The following MGAT4C variants were observed in gnomAD, a reference collection of about 807,000 sequenced individuals.
MGAT4C encodes MGAT4 family member C.
A neutral mutation model predicts 40.1 loss-of-function variants in MGAT4C; 19 were observed. That is an observed-to-expected ratio of 0.47 (90% CI 0.33 to 0.70). MGAT4C has a LOEUF of 0.70. Ranked by LOEUF, MGAT4C falls within the 30% of genes least tolerant of loss-of-function variation. The pLI is 0.02. For missense variants in MGAT4C, 491 were observed against 563.2 expected (o/e 0.87, Z 1.30); for synonymous variants, 181 against 187.1 (o/e 0.97, Z 0.27).
chr12:86,797,347 GT>G (rs942995283), intron 1 of MGAT4C, among the ~76,000 whole-genome samples: 24 of 146,138 alleles, frequency 1.6e-4, no homozygotes, highest in Admixed American at 2.8e-4. Context: ...TTTCTTTCAA[GT>G]TTTTTTTTTT....
chr12:86,750,703 C>T (rs967119070), intron 1 of MGAT4C, among the ~76,000 whole-genome samples: 10 of 151,992 alleles, frequency 6.6e-5, no homozygotes, highest in African/African-American at 2.2e-4. Flanking sequence ...GGTAACTTGA[C>T]CTCAATTCTC....
intron 3 of MGAT4C, among the ~76,000 whole-genome samples, chr12:86,413,683 G>A (rs921826645): frequency 1.3e-5 from 2 of 151,864 alleles, no homozygotes; most frequent in African/African-American, 2.4e-5. Context: ...TAATTTTTCG[G>A]GGGGAATAAA....
intron 2 of MGAT4C, among the ~76,000 whole-genome samples, chr12:86,566,684 G>C (rs1294606846): frequency 7.0e-6 from 1 of 142,500 alleles, no homozygotes; most frequent in Admixed American, 7.2e-5. Flanking sequence ...ATACATATAT[G>C]TATATATTAT....
intron 2 of MGAT4C, among the ~76,000 whole-genome samples, chr12:86,511,090 A>G (rs1030454741): frequency 2.0e-4 from 31 of 152,254 alleles, no homozygotes; most frequent in African/African-American, 6.3e-4. Flanking sequence ...CATAGTTGGA[A>G]GTAAAGCTCT....
chr12:86,302,271 T>A (rs1279496169), intron 4 of MGAT4C, among the ~76,000 whole-genome samples: 1 of 150,816 alleles, frequency 6.6e-6, no homozygotes, highest in Non-Finnish European at 1.5e-5. Context: ...ACAGTTGAAA[T>A]TTTTAAAAAA....
chr12:86,006,117 T>G (rs1173817457), intron 2 of MGAT4C, among the ~76,000 whole-genome samples: 1 of 152,120 alleles, frequency 6.6e-6, no homozygotes, highest in African/African-American at 2.4e-5. Context: ...CTGTAACAGA[T>G]TATGTATGGA....
chr12:86,104,061 G>A (rs888253624), intron 1 of MGAT4C, among the ~76,000 whole-genome samples: 1 of 151,952 alleles, frequency 6.6e-6, no homozygotes, highest in African/African-American at 2.4e-5. Flanking sequence ...TCCTCTGTCT[G>A]GGCACTTTAT....
chr12:86,192,630 CA>C (rs2135906941), intron 1 of MGAT4C, among the ~76,000 whole-genome samples: 1 of 152,236 alleles, frequency 6.6e-6, no homozygotes, highest in South Asian at 2.1e-4. Context: ...AAAAGAACCA[CA>C]TGATTTTTTC....
chr12:86,282,187 C>A (rs1322661136), intron 4 of MGAT4C, among the ~76,000 whole-genome samples: 2 of 152,102 alleles, frequency 1.3e-5, no homozygotes, highest in East Asian at 3.9e-4. Flanking sequence ...CTCTTTCCAC[C>A]TGGAATCCCA....
chr12:86,680,689 G>A (rs556592622), intron 2 of MGAT4C, among the ~76,000 whole-genome samples: 5 of 152,080 alleles, frequency 3.3e-5, no homozygotes, highest in African/African-American at 4.8e-5. Context: ...TAATTTTTCC[G>A]ATGTGGAAGA....
intron 2 of MGAT4C, among the ~76,000 whole-genome samples, chr12:86,668,412 G>C (rs908672267): frequency 2.6e-5 from 4 of 152,162 alleles, no homozygotes; most frequent in Admixed American, 2.6e-4. Flanking sequence ...CCTGGGATTT[G>C]GGCAATCCAC....
chr12:86,078,274 C>T (rs964019224), intron 1 of MGAT4C, among the ~76,000 whole-genome samples: 2 of 152,172 alleles, frequency 1.3e-5, no homozygotes, highest in African/African-American at 4.8e-5. Flanking sequence ...GCCATTCCAC[C>T]ATTCTGTCAA....
intron 2 of MGAT4C, among the ~76,000 whole-genome samples, chr12:86,539,992 G>A (rs1002349137): frequency 6.6e-6 from 1 of 152,090 alleles, no homozygotes; most frequent in African/African-American, 2.4e-5. Context: ...TCTGATGGTA[G>A]TTTCTTTTGC....
chr12:86,638,781 C>T (rs927525180), intron 2 of MGAT4C, among the ~76,000 whole-genome samples: 28 of 151,704 alleles, frequency 1.8e-4, no homozygotes, highest in African/African-American at 6.8e-4. Context: ...AATTTTTCCT[C>T]AAACAGCTGT....
chr12:86,536,868 G>A (rs60448111), intron 2 of MGAT4C, among the ~76,000 whole-genome samples: 4,165 of 152,282 alleles, frequency 0.027, 156 homozygotes, highest in African/African-American at 0.086. Context: ...CCATTACTGG[G>A]TATATACCCA....
intron 1 of MGAT4C, among the ~76,000 whole-genome samples, chr12:86,203,818 G>A (rs1472320787): frequency 2.0e-5 from 3 of 151,900 alleles, no homozygotes; most frequent in South Asian, 2.1e-4. Context: ...TTAGCTGGGC[G>A]TGGTGGTGCA....
At chr12:86,468,279 C>T (rs1957709692) in intron 2 of MGAT4C, among the ~76,000 whole-genome samples, 1 of 152,028 alleles carries the variant, frequency 6.6e-6, no homozygotes, top group African/African-American at 2.4e-5. Flanking sequence ...CAAACCTTTT[C>T]AAATCATTTT....
chr12:86,613,168 T>C (rs1310201989), intron 2 of MGAT4C, among the ~76,000 whole-genome samples: 1 of 152,176 alleles, frequency 6.6e-6, no homozygotes, highest in African/African-American at 2.4e-5. Context: ...AATTAATATA[T>C]GAGGATGATT....
rs190601411 is a variant in MGAT4C, at chr12:86,303,793, T to C, written c.-57+30272A>G. Among the ~76,000 whole-genome samples, 902 of 150,680 alleles carry C rather than the reference T, an allele frequency of 6.0e-3. 12 individuals are homozygous for C. Among genetic ancestry groups the C allele is most frequent in the Middle Eastern group, 0.01 (3 of 294 alleles). ...TTCATTTTACTTTTGCTAGAACATATTAGTTTTCAATGGATTAAATATCTA... is the reference window on the plus strand; with the variant it reads ...TTCATTTTACTTTTGCTAGAACATACTAGTTTTCAATGGATTAAATATCTA... On this transcript the variant is annotated intron_variant, in intron 4 of 7. Coordinates refer to the MGAT4C transcript ENST00000548651.
Sources: allele counts gnomAD v4.1 joint callset (sites outside exome capture counted in the v4.1 genomes callset), GRCh38; gene constraint gnomAD v4.1.1; transcripts MANE v1.5; gene names NCBI Gene and HGNC (gene_info 2026-07-23, HGNC 2026-07-21).